AKAP1: variants seen among roughly 807,000 people sequenced by gnomAD.
AKAP1 encodes A-kinase anchor protein 1, mitochondrial.
In AKAP1, 32 loss-of-function variants were observed where a neutral mutation model predicts 79.8. The ratio of observed to expected loss-of-function variants is 0.40; its 90% CI spans 0.30 to 0.54. The LOEUF (loss-of-function observed/expected upper bound fraction) is 0.54. Among genes scored for constraint, AKAP1 ranks in the 20% least tolerant of loss-of-function variants. AKAP1 has a pLI of 0.47. For synonymous variants in AKAP1, 416 were observed against 466.7 expected (o/e 0.89, Z 1.40); for missense variants, 961 against 1,138.9 (o/e 0.84, Z 2.25).
rs1913371688 is a variant in AKAP1, at chr17:57,085,272, C to G, written c.-151C>G. 1 of 150,940 alleles carries G rather than the reference C, an allele frequency of 6.6e-6. No individual in the cohort carries two copies. The highest frequency in any genetic ancestry group is 6.6e-5 in the Admixed American group (1 of 15,168). 9.4% of individuals were successfully genotyped at this position (150,940 alleles called of 1,614,324 possible). A position where few individuals can be genotyped will look rare whatever the true frequency, so the allele number is the denominator to read the frequency against. ...GTATTTAATGTCTCTGTGTTCCACC[C>G]GCCTGGGCTAGCACGTGGGGGAGCT... is the stretch of plus-strand genomic sequence containing the variant. On this transcript the variant is annotated 5_prime_UTR_variant, in exon 1 of 11. Coordinates refer to ENST00000337714, the MANE Select transcript of AKAP1 (RefSeq NM_003488.4).
Position 57,109,999 on chromosome 17 carries a change from C to T in AKAP1, c.1715-26C>T, listed in dbSNP as rs746174812. ...GCTCTGAGTGGGGTCTGTGTGTGTG[C>T]GTGCCTGCTGCTTCTTCCCCTGCAG... On this transcript the variant is annotated intron_variant, in intron 2 of 10. Coordinates refer to ENST00000337714, the MANE Select transcript of AKAP1 (RefSeq NM_003488.4). 14 of 1,610,766 alleles carry T rather than the reference C, an allele frequency of 8.7e-6. 1 individual carries two copies. The highest frequency in any genetic ancestry group is 3.3e-5 in the South Asian group (3 of 90,634).
Position 57,120,377 on chromosome 17 carries a change from G to T in AKAP1, c.*53G>T. The T allele has an allele frequency of 6.6e-7, 1 of 1,506,766 alleles. No individual in the cohort carries two copies. Among genetic ancestry groups the T allele is most frequent in the South Asian group, 1.2e-5 (1 of 85,456 alleles). 93.3% of individuals were successfully genotyped at this position (1,506,766 alleles called of 1,614,324 possible). A position where few individuals can be genotyped will look rare whatever the true frequency, so the allele number is the denominator to read the frequency against. ...TTTTGCACTGTTGAAATTGGGCTTG[G>T]CACTCAAGTCAAAGATGAACATCGG... On this transcript the variant is annotated 3_prime_UTR_variant, in exon 11 of 11. Transcript: ENST00000337714.
rs201863752 is a variant in AKAP1 at position 57,106,020 on chromosome 17, C to T, written c.556C>T (p.Pro186Ser). The change falls in exon 2 of 11, where the codon CCC (proline) becomes TCC (serine). Residue 186 changes from proline to serine, a missense_variant. By Grantham distance (74) the Pro-to-Ser change is moderately conservative. Around this residue, in one of 3 missense-constraint regions of AKAP1, gnomAD observed 224 missense variants for 210.2 expected, o/e 1.07. Coordinates refer to ENST00000337714, the MANE Select transcript of AKAP1 (RefSeq NM_003488.4). The part of the protein sequence containing the change: ...RKVQPGYPVV[P>S]AEKRSSGERA... ...GGTCCAGCCAGGCTACCCCGTAGTC[C>T]CCGCAGAGAAGCGTAGCTCTGGGGA... 9.3e-6 allele frequency: 15 copies of T among 1,613,504 alleles called. No individual in the cohort carries two copies. Among genetic ancestry groups the T allele is most frequent in the Non-Finnish European group, 1.2e-5 (14 of 1,179,926 alleles).
rs779325264 is a variant in AKAP1, at chr17:57,116,178, CGAG to C, written c.2353_2355del (p.Glu785del). On this transcript the variant is annotated inframe_deletion, in exon 7 of 11. Coordinates refer to ENST00000337714, the MANE Select transcript of AKAP1 (RefSeq NM_003488.4). ...GGCGAGCCCAAGTGGTTGCCTCCTA[CGAG>C]GAGACCAACGAAGTGGAGATTCGAT... 24 of 1,614,028 alleles carry C rather than the reference CGAG, an allele frequency of 1.5e-5. No homozygotes were observed. The highest frequency in any genetic ancestry group is 1.9e-5 in the Non-Finnish European group (23 of 1,180,038).
intron 1 of AKAP1, among the ~76,000 whole-genome samples, chr17:57,091,968 C>T (rs925416069): frequency 3.3e-5 from 5 of 152,120 alleles, no homozygotes; most frequent in Admixed American, 1.3e-4. Flanking sequence ...GCTGAGATTA[C>T]AGGTGTGAGC....
chr17:57,119,069 C>G, intron 10 of AKAP1, 25 bp downstream of exon 10: 1 of 1,611,358 alleles, frequency 6.2e-7, no homozygotes, highest in Non-Finnish European at 8.5e-7. Context: ...TCTTTTCCTT[C>G]TGTGTTGCTG....
rs547687050 is a variant in AKAP1 at position 57,097,958 on chromosome 17, G to T, written c.-24-7483G>T. Reference sequence around the variant, plus strand: ...GCAGCCAAATTGGCTTAGTCACTGGGACCAACACTCTCTGTACCATTGCCA... The same window carrying T: ...GCAGCCAAATTGGCTTAGTCACTGGTACCAACACTCTCTGTACCATTGCCA... On this transcript the variant is annotated intron_variant, in intron 1 of 10. Transcript: ENST00000337714. 1.6e-4 allele frequency among the ~76,000 whole-genome samples: 25 copies of T among 152,324 alleles called. No individual in the cohort carries two copies. In the East Asian group the frequency reaches 4.4e-3, roughly 27 times the overall value.
intron 2 of AKAP1, chr17:57,108,134 G>T (rs1436231174): frequency 9.5e-6 from 7 of 736,068 alleles, no homozygotes; most frequent in African/African-American, 2.0e-5. Context: ...ATCCCGAGTG[G>T]CTCTCTGACT....
chr17:57,105,405 T>C, intron 1 of AKAP1, 36 bp from the exon 2 acceptor site: 1 of 1,601,152 alleles, frequency 6.2e-7, no homozygotes. Flanking sequence ...CCTGGCTCTG[T>C]AACATCCCTC....
intron 1 of AKAP1, among the ~76,000 whole-genome samples, chr17:57,089,416 T>C (rs575586405): frequency 2.0e-5 from 3 of 152,338 alleles, no homozygotes; most frequent in African/African-American, 7.2e-5. Context: ...AGCTGCCTTG[T>C]CTGTAGGGTA....
At position 57,120,266 on chromosome 17, in the gene AKAP1, G is replaced by A. The variant is rs150279297; in HGVS notation, c.2654G>A (p.Arg885Gln). 40 of 1,613,478 alleles carry A rather than the reference G, an allele frequency of 2.5e-5. No individual in the cohort carries two copies. Among genetic ancestry groups the A allele is most frequent in the African/African-American group, 6.7e-5 (5 of 74,960 alleles). ...CTTTTCTAGGTGGTGTTGATAAACCGGTCCCTGGTGGAGCGAGGCCTTGCC... is the reference window on the plus strand; with the variant it reads ...CTTTTCTAGGTGGTGTTGATAAACCAGTCCCTGGTGGAGCGAGGCCTTGCC... ...VVGDEVVLIN[R>Q]SLVERGLAQW... The change falls in exon 11 of 11, where the codon CGG (arginine) becomes CAG (glutamine). Residue 885 changes from arginine to glutamine, a missense_variant. Transcript: ENST00000337714.
intron 1 of AKAP1, among the ~76,000 whole-genome samples, chr17:57,101,994 G>A (rs566421081): frequency 6.1e-4 from 93 of 152,302 alleles, no homozygotes; most frequent in Middle Eastern, 3.4e-3. Context: ...CGGTATGTCA[G>A]TGGATTCCAT....
intron 1 of AKAP1, chr17:57,098,641 C>T (rs1264914022): frequency 6.6e-6 from 1 of 152,078 alleles, no homozygotes; most frequent in African/African-American, 2.4e-5. Flanking sequence ...CATTTTATAC[C>T]ACCTCTTGTA....
rs1304821148 is a variant in AKAP1 at position 57,086,455 on chromosome 17, G to C, written c.-25+1057G>C. 2 of 456,258 alleles carry C rather than the reference G, an allele frequency of 4.4e-6. No homozygotes were observed. The highest frequency in any genetic ancestry group is 2.4e-5 in the Admixed American group (1 of 42,548). 28.3% of individuals were successfully genotyped at this position (456,258 alleles called of 1,614,324 possible). A position where few individuals can be genotyped will look rare whatever the true frequency, so the allele number is the denominator to read the frequency against. On this transcript the variant is annotated intron_variant, in intron 1 of 10. Transcript: ENST00000337714. This position sits in a 1 kb window ranked among gnomAD's most constrained non-coding sequence, Gnocchi z 5.1. ...ACGGCATGGGAGCCCTGGGCGTTTC[G>C]GGATCTTCCTCTCCTGGGGGATGTC...
chr17:57,102,941 G>A (rs936100830), intron 1 of AKAP1, among the ~76,000 whole-genome samples: 1 of 152,100 alleles, frequency 6.6e-6, no homozygotes. Context: ...TTAGCCAAGT[G>A]TGGTGGTGGG....
chr17:57,108,163 T>A, intron 2 of AKAP1: 1 of 446,166 alleles, frequency 2.2e-6, no homozygotes, highest in Non-Finnish European at 3.3e-6. Flanking sequence ...CTGGAGCCAT[T>A]CCCTCCCATT....
At chr17:57,116,737 G>A (rs1915609276) in intron 7 of AKAP1, 123 bp from the exon 8 acceptor site, 2 of 959,116 alleles carry the variant, frequency 2.1e-6, no homozygotes, top group South Asian at 1.4e-5. Flanking sequence ...CTCCTGCAAA[G>A]TACGAACCCT....
At chr17:57,102,860 G>A (rs1484760051) in intron 1 of AKAP1, among the ~76,000 whole-genome samples, 4 of 151,828 alleles carry the variant, frequency 2.6e-5, no homozygotes, top group African/African-American at 7.3e-5. Flanking sequence ...GCCGGCTGGC[G>A]GATCACCTGA....
chr17:57,106,836 C>T lies in AKAP1; in HGVS notation c.1372C>T (p.His458Tyr). Residue 458 changes from histidine (H) to tyrosine (Y), a missense_variant, in exon 2 of 11, where the codon CAC becomes TAC. By Grantham distance (83) the His-to-Tyr change is moderately conservative. Around this residue, in one of 3 missense-constraint regions of AKAP1, gnomAD observed 629 missense variants for 781.1 expected, o/e 0.81. Transcript: ENST00000337714. ...KDSKPNISAHHISLASCLALT... is the reference protein window; with the variant it reads ...KDSKPNISAHYISLASCLALT... Reference sequence around the variant, plus strand: ...CAGTAAGCCAAATATCTCTGCACACCACATCTCCCTGGCCTCCTGCCTGGC... The same window carrying T: ...CAGTAAGCCAAATATCTCTGCACACTACATCTCCCTGGCCTCCTGCCTGGC... The T allele has an allele frequency of 6.2e-7, 1 of 1,614,178 alleles. No individual in the cohort carries two copies. Among genetic ancestry groups the T allele is most frequent in the South Asian group, 1.1e-5 (1 of 91,090 alleles).
Sources: gnomAD v4.1 joint callset for allele counts (sites outside exome capture counted in the v4.1 genomes callset) on GRCh38, gnomAD v4.1.1 for gene constraint, gnomAD v4.1.1 regional missense constraint, Gnocchi (gnomAD v3.1) non-coding constraint, MANE v1.5 for transcripts, NCBI Gene and HGNC (gene_info 2026-07-23, HGNC 2026-07-21) for gene names.